The following BBS9 variants were observed in gnomAD, a reference collection of about 807,000 sequenced individuals.
BBS9 encodes Bardet-Biedl syndrome 9, also known as protein PTHB1.
A neutral mutation model predicts 117.7 loss-of-function variants in BBS9; 89 were observed. The ratio of observed to expected loss-of-function variants is 0.76; its 90% CI spans 0.64 to 0.90. The LOEUF is 0.90. Ranked by LOEUF, BBS9 falls within the 40% of genes least tolerant of loss-of-function variation. The pLI, the probability that BBS9 is intolerant of heterozygous loss-of-function variation, is 0.00. For missense variants in BBS9, 982 were observed against 1,042.2 expected, an observed-to-expected ratio of 0.94 and a Z score of 0.80; for synonymous variants, 379 against 370.9, an observed-to-expected ratio of 1.02 and a Z score of -0.25.
At chr7:33,160,244 C>G (rs1282944140) in intron 4 of BBS9, among the ~76,000 whole-genome samples, 1 of 152,172 alleles carries the variant, frequency 6.6e-6, no homozygotes, top group Non-Finnish European at 1.5e-5. Flanking sequence ...GGAGACCTAA[C>G]AAATGATGTC....
At chr7:33,259,060 T>A (rs1797548113) in intron 6 of BBS9, among the ~76,000 whole-genome samples, 1 of 152,312 alleles carries the variant, frequency 6.6e-6, no homozygotes, top group East Asian at 1.9e-4. Context: ...AAGTCGTATG[T>A]TGTACTTATA....
intron 3 of BBS9, among the ~76,000 whole-genome samples, chr7:33,154,701 G>A (rs1793851058): frequency 6.6e-6 from 1 of 152,042 alleles, no homozygotes; most frequent in African/African-American, 2.4e-5. Context: ...TCTGATCTCA[G>A]GAGATCCACC....
intron 4 of BBS9, among the ~76,000 whole-genome samples, chr7:33,170,868 T>A (rs200300693): frequency 2.6e-5 from 4 of 151,758 alleles, no homozygotes; most frequent in African/African-American, 7.3e-5. Context: ...TTCAAAGAGA[T>A]TAAAATACCT....
intron 19 of BBS9, among the ~76,000 whole-genome samples, chr7:33,432,179 T>G (rs1834592053): frequency 6.6e-6 from 1 of 151,160 alleles, no homozygotes; most frequent in African/African-American, 2.4e-5. Context: ...TGCGATCTCG[T>G]CTCACTGCAA....
intron 19 of BBS9, among the ~76,000 whole-genome samples, chr7:33,470,651 G>C (rs561359201): frequency 1.3e-5 from 2 of 152,084 alleles, no homozygotes. Context: ...GCAAAGCCAG[G>C]GAGGCAGAAA....
intron 19 of BBS9, among the ~76,000 whole-genome samples, chr7:33,431,776 G>C (rs560261823): frequency 1.3e-5 from 2 of 152,300 alleles, no homozygotes; most frequent in Admixed American, 1.3e-4. Flanking sequence ...AATGGACTAA[G>C]ACAGAAAGAG....
chr7:33,265,484 C>T (rs1394514676), intron 7 of BBS9, among the ~76,000 whole-genome samples: 2 of 152,088 alleles, frequency 1.3e-5, no homozygotes, highest in African/African-American at 4.8e-5. Context: ...GAGCAAGTTA[C>T]AGCAAGTTTG....
At position 33,568,229 on chromosome 7, in the gene BBS9, G is replaced by C. The variant is rs189547810; in HGVS notation, c.2521+34053G>C. On this transcript the variant is annotated intron_variant, in intron 21 of 22. Transcript: ENST00000242067. ...GACATGGATTTTTCTCTTTAAAAAT[G>C]TGTACGTGGCTTCCTCTCTGGAGCT... 8.5e-5 allele frequency among the ~76,000 whole-genome samples: 13 copies of C among 152,174 alleles called. 1 individual carries two copies. The East Asian group carries it at 1.7e-3, about 20-fold the overall frequency.
At chr7:33,359,932 C>T (rs910391719) in intron 16 of BBS9, among the ~76,000 whole-genome samples, 1 of 151,958 alleles carries the variant, frequency 6.6e-6, no homozygotes, top group Non-Finnish European at 1.5e-5. Flanking sequence ...ATTCTACTAT[C>T]CAGCAATACC....
chr7:33,582,300 A>G (rs141805092), intron 21 of BBS9, among the ~76,000 whole-genome samples: 3,177 of 152,160 alleles, frequency 0.021, 64 homozygotes, highest in South Asian at 0.098. Context: ...GAGGTGGGGC[A>G]CAGTGTGAGG....
chr7:33,565,869 T>TATATATAG (rs1233161492), intron 21 of BBS9, among the ~76,000 whole-genome samples: 1 of 139,502 alleles, frequency 7.2e-6, no homozygotes, highest in African/African-American at 2.7e-5. Context: ...TATATATATA[T>TATATATAG]AGCTATAAAT....
At chr7:33,496,592 C>A (rs1211384870) in intron 19 of BBS9, among the ~76,000 whole-genome samples, 1 of 151,890 alleles carries the variant, frequency 6.6e-6, no homozygotes, top group Non-Finnish European at 1.5e-5. Context: ...GTTTTCTTTA[C>A]AATATGAAGT....
At chr7:33,603,288 C>T (rs1393035482) in intron 21 of BBS9, among the ~76,000 whole-genome samples, 1 of 152,084 alleles carries the variant, frequency 6.6e-6, no homozygotes, top group African/African-American at 2.4e-5. Context: ...GGTGCACATC[C>T]CTTCTTTCTG....
chr7:33,478,371 T>G (rs1428936243), intron 19 of BBS9, among the ~76,000 whole-genome samples: 1 of 152,188 alleles, frequency 6.6e-6, no homozygotes, highest in Non-Finnish European at 1.5e-5. Flanking sequence ...CATGCCAATA[T>G]ATGTAATTTT....
At chr7:33,185,315 A>G (rs1212115515) in intron 5 of BBS9, among the ~76,000 whole-genome samples, 3 of 152,018 alleles carry the variant, frequency 2.0e-5, no homozygotes, top group Non-Finnish European at 4.4e-5. Flanking sequence ...GTCCCTATTC[A>G]CGGTGGAGTC....
At chr7:33,291,054 A>G (rs2128399796) in intron 9 of BBS9, among the ~76,000 whole-genome samples, 2 of 152,308 alleles carry the variant, frequency 1.3e-5, no homozygotes, top group Non-Finnish European at 2.9e-5. Flanking sequence ...TCCTTAAATA[A>G]TATGAAATAT....
intron 4 of BBS9, among the ~76,000 whole-genome samples, chr7:33,170,807 C>T (rs925190640): frequency 4.0e-5 from 6 of 151,448 alleles, no homozygotes; most frequent in African/African-American, 1.5e-4. Flanking sequence ...TATACACCAA[C>T]AACAGACAAA....
intron 5 of BBS9, among the ~76,000 whole-genome samples, chr7:33,186,718 G>A (rs904245930): frequency 2.0e-5 from 3 of 152,134 alleles, no homozygotes; most frequent in Non-Finnish European, 4.4e-5. Context: ...CAGAGGGGAA[G>A]TGTGTTTGAA....
intron 5 of BBS9, among the ~76,000 whole-genome samples, chr7:33,196,355 G>A (rs1784937586): frequency 1.3e-5 from 2 of 152,100 alleles, no homozygotes; most frequent in Non-Finnish European, 2.9e-5. Context: ...GCCACATGTG[G>A]TTGCTGAGAG....
Sources: allele counts gnomAD v4.1 joint callset (sites outside exome capture counted in the v4.1 genomes callset), GRCh38; gene constraint gnomAD v4.1.1; transcripts MANE v1.5; gene names NCBI Gene and HGNC (gene_info 2026-07-23, HGNC 2026-07-21).